The following SORCS2 variants were observed in gnomAD, a reference collection of about 807,000 sequenced individuals.
SORCS2 encodes the protein VPS10 domain-containing receptor SorCS2.
SORCS2 carries 100 observed loss-of-function variants against 141.6 expected under a neutral mutation model. The ratio of observed to expected loss-of-function variants is 0.71; its 90% CI spans 0.60 to 0.83. The LOEUF (loss-of-function observed/expected upper bound fraction) is 0.83, where lower values mean the gene tolerates loss of function less well. SORCS2 is among the 40% of genes least tolerant of loss of function. The pLI, the probability that SORCS2 is intolerant of heterozygous loss-of-function variation, is 0.00. For synonymous variants in SORCS2, 789 were observed against 676.9 expected, an observed-to-expected ratio of 1.17 and a Z score of -2.57; for missense variants, 1,646 against 1,560.2, an observed-to-expected ratio of 1.05 and a Z score of -0.93.
chr4:7,480,795 G>A (rs1476720730), intron 2 of SORCS2, among the ~76,000 whole-genome samples: 2 of 152,264 alleles, frequency 1.3e-5, no homozygotes, highest in African/African-American at 2.4e-5. Context: ...CCGCAGGCCG[G>A]TGCCTTGGAG....
chr4:7,273,125 A>G (rs1227411890), intron 1 of SORCS2, among the ~76,000 whole-genome samples: 17 of 152,260 alleles, frequency 1.1e-4, no homozygotes, highest in East Asian at 1.9e-4. Context: ...TTTCAACAAC[A>G]TCTGGCTAGC....
Position 7,581,156 on chromosome 4 carries a change from G to GAA in SORCS2, c.648+49537_648+49538dup, listed in dbSNP as rs34869505. ...ACCTGCATATGTCCTTAATTTTTTT[G>GAA]AAAAAAAAAAAGCTACAATAAGTTT... On this transcript the variant is annotated intron_variant, in intron 3 of 26. Coordinates refer to ENST00000507866, the MANE Select transcript of SORCS2 (RefSeq NM_020777.3). 1.1e-4 allele frequency among the ~76,000 whole-genome samples: 14 copies of GAA among 131,392 alleles called. 1 individual carries two copies. Among genetic ancestry groups the GAA allele is most frequent in the Admixed American group, 2.3e-4 (3 of 13,084 alleles). 86.2% of individuals were successfully genotyped at this position (131,392 alleles called of 152,430 possible). A position where few individuals can be genotyped will look rare whatever the true frequency, so the allele number is the denominator to read the frequency against.
intron 3 of SORCS2, among the ~76,000 whole-genome samples, chr4:7,587,318 T>C (rs1348723547): frequency 1.3e-5 from 2 of 152,200 alleles, no homozygotes; most frequent in Non-Finnish European, 2.9e-5. Flanking sequence ...CTCTGTGATG[T>C]TGGCTGAACC....
At chr4:7,490,282 G>A (rs550170567) in intron 2 of SORCS2, among the ~76,000 whole-genome samples, 1 of 152,280 alleles carries the variant, frequency 6.6e-6, no homozygotes, top group East Asian at 1.9e-4. Context: ...GGCCTGGGGG[G>A]AGCTCAACAC....
chr4:7,448,085 C>G (rs993966296), intron 2 of SORCS2, among the ~76,000 whole-genome samples: 1 of 152,178 alleles, frequency 6.6e-6, no homozygotes, highest in African/African-American at 2.4e-5. Flanking sequence ...GGAAACACAT[C>G]CCTGTACGTA....
At chr4:7,658,004 G>A (rs1236562571) in intron 5 of SORCS2, among the ~76,000 whole-genome samples, 2 of 149,606 alleles carry the variant, frequency 1.3e-5, no homozygotes, top group South Asian at 4.3e-4. Flanking sequence ...TGAATGAGGG[G>A]CTGAGTGGCT....
intron 1 of SORCS2, among the ~76,000 whole-genome samples, chr4:7,288,016 C>T (rs1226352334): frequency 6.6e-6 from 1 of 152,224 alleles, no homozygotes; most frequent in Non-Finnish European, 1.5e-5. Flanking sequence ...GTTGCTGTCC[C>T]CGCCGTCGAT....
At chr4:7,235,434 AGGTCACACAGAGGGTCCAATCCT>A (rs1442272801) in intron 1 of SORCS2, among the ~76,000 whole-genome samples, 2 of 152,204 alleles carry the variant, frequency 1.3e-5, no homozygotes, top group East Asian at 3.8e-4. Context: ...CACTGGCCTG[AGGTCACACAGAGGGTCCAATCCT>A]GGTCCCCTTA....
chr4:7,674,503 G>C (rs566081135), intron 8 of SORCS2, among the ~76,000 whole-genome samples: 23 of 151,082 alleles, frequency 1.5e-4, no homozygotes, highest in African/African-American at 4.6e-4. Context: ...AACCCGGGGG[G>C]GCAGAGCTTG....
intron 3 of SORCS2, among the ~76,000 whole-genome samples, chr4:7,637,378 C>T (rs1051899298): frequency 6.6e-6 from 1 of 152,204 alleles, no homozygotes; most frequent in Non-Finnish European, 1.5e-5. Flanking sequence ...GTAGTGGGCC[C>T]CACCCCGTCA....
In SORCS2 at chr4:7,739,534, C is replaced by T. The variant is rs561545555; in HGVS notation, c.3416-666C>T. Among the ~76,000 whole-genome samples, 251 of 152,328 alleles carry T rather than the reference C, an allele frequency of 1.6e-3. 1 individual carries two copies. The highest frequency in any genetic ancestry group is 5.6e-3 in the African/African-American group (232 of 41,578). ...CAGCAGCCGCACTTCCCCGTCTGAC[C>T]CACGCCAGTCCTTTGAGGGGTGCGG... is the stretch of plus-strand genomic sequence containing the variant. On this transcript the variant is annotated intron_variant, in intron 26 of 26. Transcript: ENST00000507866.
At chr4:7,244,350 G>A (rs972276188) in intron 1 of SORCS2, among the ~76,000 whole-genome samples, 3 of 152,230 alleles carry the variant, frequency 2.0e-5, no homozygotes, top group African/African-American at 7.2e-5. Flanking sequence ...CATGGGTAAG[G>A]GCTTTCAGCG....
chr4:7,293,260 C>T (rs568849113), intron 1 of SORCS2, among the ~76,000 whole-genome samples: 6 of 151,062 alleles, frequency 4.0e-5, no homozygotes, highest in East Asian at 3.9e-4. Context: ...GCCGAGATCG[C>T]GCCACTGCAC....
At chr4:7,227,905 C>T (rs889213120) in intron 1 of SORCS2, among the ~76,000 whole-genome samples, 2 of 152,166 alleles carry the variant, frequency 1.3e-5, no homozygotes, top group African/African-American at 4.8e-5. Context: ...CCGGGGAGGG[C>T]ATGGACACCT....
At chr4:7,602,462 C>T (rs1246588175) in intron 3 of SORCS2, among the ~76,000 whole-genome samples, 2 of 151,486 alleles carry the variant, frequency 1.3e-5, no homozygotes, top group Non-Finnish European at 2.9e-5. Flanking sequence ...CAGAGGCGCT[C>T]CTCACATCCC....
intron 2 of SORCS2, among the ~76,000 whole-genome samples, chr4:7,438,667 C>T (rs967112745): frequency 2.6e-5 from 4 of 151,892 alleles, no homozygotes; most frequent in African/African-American, 4.8e-5. Flanking sequence ...TTCCTTCCTT[C>T]CTCTTTCCTT....
intron 2 of SORCS2, among the ~76,000 whole-genome samples, chr4:7,412,055 G>A (rs1577517895): frequency 6.6e-6 from 1 of 152,204 alleles, no homozygotes; most frequent in East Asian, 1.9e-4. Flanking sequence ...GTAATCCTAG[G>A]CTGTGTGGCA....
intron 2 of SORCS2, chr4:7,433,967 C>T: frequency 6.2e-7 from 1 of 1,613,802 alleles, no homozygotes; most frequent in Non-Finnish European, 8.5e-7. Context: ...AGCCAGTGGT[C>T]CAGCTTCTGC....
chr4:7,378,493 C>G (rs966718175), intron 1 of SORCS2, among the ~76,000 whole-genome samples: 1 of 152,132 alleles, frequency 6.6e-6, no homozygotes, highest in Non-Finnish European at 1.5e-5. Context: ...AAGTGCCAAG[C>G]GAAGGGGGAA....
Sources: allele counts gnomAD v4.1 joint callset (sites outside exome capture counted in the v4.1 genomes callset), GRCh38; gene constraint gnomAD v4.1.1; transcripts MANE v1.5; gene names NCBI Gene and HGNC (gene_info 2026-07-23, HGNC 2026-07-21).